WDR86: variants seen among roughly 807,000 people sequenced by gnomAD.
WDR86 encodes WD repeat-containing protein 86.
Under a neutral mutation model 36.5 loss-of-function variants are expected in WDR86, and 30 were observed. The ratio of observed to expected loss-of-function variants is 0.82; its 90% CI spans 0.61 to 1.11. WDR86 has a LOEUF of 1.11. WDR86 is among the 50% of genes most tolerant of loss of function. The probability of loss-of-function intolerance (pLI) is 0.00; values close to 1 mark genes in which losing one functional copy is unlikely to be tolerated. For synonymous variants in WDR86, 255 were observed against 252.9 expected, an observed-to-expected ratio of 1.01 and a Z score of -0.08; for missense variants, 545 against 561.2, an observed-to-expected ratio of 0.97 and a Z score of 0.29.
Position 151,410,022 on chromosome 7 carries a change from G to T in WDR86, c.-433C>A, listed in dbSNP as rs1177730505. 4.0e-6 allele frequency: 4 copies of T among 993,434 alleles called. No homozygotes were observed. The African/African-American group carries it at 6.9e-5, about 17-fold the overall frequency. 61.5% of individuals were successfully genotyped at this position (993,434 alleles called of 1,614,324 possible). A position where few individuals can be genotyped will look rare whatever the true frequency, so the allele number is the denominator to read the frequency against. ...AGCGCCCCGCGCCCTCCCCGGCCGAGCGCGGAACAATACGGTCCAGCCTGG... is the reference window on the plus strand; with the variant it reads ...AGCGCCCCGCGCCCTCCCCGGCCGATCGCGGAACAATACGGTCCAGCCTGG... On this transcript the variant is annotated 5_prime_UTR_variant, in exon 1 of 6. Coordinates refer to ENST00000334493, the MANE Select transcript of WDR86 (RefSeq NM_198285.3).
rs1187534413 is a variant in WDR86, at chr7:151,381,966, C to G, written c.878G>C (p.Gly293Ala). 6.2e-7 allele frequency: 1 copy of G among 1,604,276 alleles called. No individual in the cohort carries two copies. The highest frequency in any genetic ancestry group is 1.3e-5 in the African/African-American group (1 of 74,916). Residue 293 changes from glycine to alanine, a missense_variant, in exon 5 of 6, where the codon GGG becomes GCG. By Grantham distance (60) the Gly-to-Ala change is moderately conservative. Coordinates refer to ENST00000334493, the MANE Select transcript of WDR86 (RefSeq NM_198285.3). This position sits in a 1 kb window ranked among gnomAD's most constrained non-coding sequence, Gnocchi z 4.8. ...GTCGAAGGCCCGGGCGCAAGCGTCC[C>G]CGCTGCCCGTGAACACTGCGGACAC... is the stretch of plus-strand genomic sequence containing the variant. The part of the protein sequence containing the change: ...YHAGTLFTGS[G>A]DACARAFDAQ...
chr7:151,402,062 A>ATAT (rs1247243641), intron 1 of WDR86, among the ~76,000 whole-genome samples: 1 of 75,506 alleles, frequency 1.3e-5, no homozygotes, highest in Non-Finnish European at 2.7e-5. Flanking sequence ...AAAAAAAAAA[A>ATAT]AAAAAAAAAT....
chr7:151,379,677 G>A (rs956789261), downstream of WDR86, among the ~76,000 whole-genome samples: 2 of 152,160 alleles, frequency 1.3e-5, no homozygotes, highest in African/African-American at 4.8e-5. Context: ...AATGTGTGTT[G>A]CTATAAAAAT....
chr7:151,404,460 T>C (rs1800565900), intron 1 of WDR86, among the ~76,000 whole-genome samples: 2 of 152,040 alleles, frequency 1.3e-5, no homozygotes, highest in African/African-American at 4.8e-5. Flanking sequence ...CCAACCCCTA[T>C]GTTCCACAGA....
chr7:151,384,683 A>T (rs1798841484), intron 4 of WDR86, among the ~76,000 whole-genome samples: 1 of 152,182 alleles, frequency 6.6e-6, no homozygotes, highest in African/African-American at 2.4e-5. Flanking sequence ...ACCTCATTGG[A>T]ACCACAGCTA....
At chr7:151,396,351 C>G (rs868058683) in intron 2 of WDR86, among the ~76,000 whole-genome samples, 155 bp from the exon 3 acceptor site, 1 of 152,216 alleles carries the variant, frequency 6.6e-6, no homozygotes, top group African/African-American at 2.4e-5. Context: ...CAGCTCAAAT[C>G]GCCCCCACCT....
intron 4 of WDR86, among the ~76,000 whole-genome samples, chr7:151,382,676 T>C (rs62490282): frequency 6.6e-6 from 1 of 152,130 alleles, no homozygotes; most frequent in Non-Finnish European, 1.5e-5. Context: ...GAGGCCACAC[T>C]GAGGATGTGG....
downstream of WDR86, among the ~76,000 whole-genome samples, chr7:151,373,646 C>T (rs1376953140): frequency 1.3e-5 from 2 of 152,242 alleles, no homozygotes; most frequent in Admixed American, 1.3e-4. Flanking sequence ...GATTCCACAT[C>T]ACATTTTAAC....
chr7:151,396,677 C>T (rs764879987), intron 2 of WDR86, among the ~76,000 whole-genome samples: 4 of 46,828 alleles, frequency 8.5e-5, no homozygotes, highest in East Asian at 6.3e-4. Context: ...GGAACAGGGC[C>T]GGCTCAAGTG....
chr7:151,400,362 G>A, intron 1 of WDR86, 121 bp from the exon 2 acceptor site: 3 of 1,073,694 alleles, frequency 2.8e-6, no homozygotes, highest in Non-Finnish European at 3.8e-6. Flanking sequence ...AGACAAGCTG[G>A]AGTCAATTAG....
the WDR86 span, chr7:151,368,990 GGGAA>G: frequency 8.1e-7 from 1 of 1,240,428 alleles, no homozygotes; most frequent in Non-Finnish European, 1.1e-6. Context: ...ACTCCAGATT[GGGAA>G]GGAAGGAGAA....
chr7:151,402,772 C>CT (rs1332543048), intron 1 of WDR86, among the ~76,000 whole-genome samples: 5 of 152,226 alleles, frequency 3.3e-5, no homozygotes, highest in African/African-American at 1.2e-4. Context: ...GGTTGGGACT[C>CT]TATCTCATGG....
At chr7:151,382,056 G>T in intron 4 of WDR86, 75 bp from the exon 5 acceptor site, 1 of 1,360,254 alleles carries the variant, frequency 7.4e-7, no homozygotes, top group East Asian at 2.5e-5. Flanking sequence ...CGGCGAGAGC[G>T]TGACCTGGGG....
chr7:151,399,268 G>A (rs1173644150), intron 2 of WDR86, among the ~76,000 whole-genome samples: 2 of 152,220 alleles, frequency 1.3e-5, no homozygotes, highest in East Asian at 1.9e-4. Context: ...GGGTCTCACT[G>A]CCTTTCCTGT....
downstream of WDR86, chr7:151,377,313 A>G (rs1370370396): frequency 3.1e-6 from 3 of 958,698 alleles, no homozygotes; most frequent in Non-Finnish European, 3.0e-6. Context: ...CTTACTTTTT[A>G]TCTGAATTAC....
intron 2 of WDR86, among the ~76,000 whole-genome samples, chr7:151,398,641 A>G (rs188166110): frequency 1.4e-3 from 208 of 147,514 alleles, no homozygotes; most frequent in Middle Eastern, 0.012. Flanking sequence ...ATGAGTGTGT[A>G]TGTATGTTGT....
the WDR86 span, among the ~76,000 whole-genome samples, chr7:151,370,526 A>AT: frequency 5.9e-5 from 9 of 151,772 alleles, no homozygotes; most frequent in African/African-American, 1.5e-4. Context: ...ATTTTTATTT[A>AT]TTTTTTCCTT....
intron 1 of WDR86, among the ~76,000 whole-genome samples, chr7:151,402,933 A>G (rs1225440866): frequency 6.6e-6 from 1 of 152,172 alleles, no homozygotes; most frequent in Non-Finnish European, 1.5e-5. Flanking sequence ...TTGTCCCCCA[A>G]TATATACAGT....
chr7:151,376,099 C>T (rs997750278), exon 2 of WDR86: 13 of 621,276 alleles, frequency 2.1e-5, no homozygotes, highest in Middle Eastern at 3.8e-4. Context: ...AGGCCACCCA[C>T]GCAGTAACAG....
Sources: allele counts gnomAD v4.1 joint callset (sites outside exome capture counted in the v4.1 genomes callset), GRCh38; gene constraint gnomAD v4.1.1; non-coding constraint Gnocchi (gnomAD v3.1); transcripts MANE v1.5; gene names NCBI Gene and HGNC (gene_info 2026-07-23, HGNC 2026-07-21).